The following STAG3 variants were observed in gnomAD, a reference collection of about 807,000 sequenced individuals.
STAG3 encodes cohesin subunit SA-3.
STAG3 carries 101 observed loss-of-function variants against 160.7 expected under a neutral mutation model. That is an observed-to-expected ratio of 0.63 (90% CI 0.54 to 0.74). The LOEUF (loss-of-function observed/expected upper bound fraction) is 0.74, where lower values mean the gene tolerates loss of function less well. Ranked by LOEUF, STAG3 falls within the 30% of genes least tolerant of loss-of-function variation. The probability of loss-of-function intolerance (pLI) is 0.00; values close to 1 mark genes in which losing one functional copy is unlikely to be tolerated. For missense variants in STAG3, 1,188 were observed against 1,517.4 expected (o/e 0.78, Z 3.61); for synonymous variants, 519 against 585.0 (o/e 0.89, Z 1.63).
chr7:100,202,147 A>C (rs1195770749), intron 23 of STAG3, 25 bp from the exon 24 acceptor site: 1 of 1,609,386 alleles, frequency 6.2e-7, no homozygotes, highest in Non-Finnish European at 8.5e-7. Context: ...TGTCCTTTTA[A>C]ACATCCTTTC....
At chr7:100,201,617 T>A in intron 21 of STAG3, 169 bp from the exon 22 acceptor site, 1 of 659,304 alleles carries the variant, frequency 1.5e-6, no homozygotes, top group Non-Finnish European at 2.6e-6. Flanking sequence ...ACATTTCTAC[T>A]TCGTGTAGAT....
intron 30 of STAG3, 43 bp from the exon 31 acceptor site, chr7:100,211,392 A>G (rs1327699227): frequency 6.3e-7 from 1 of 1,599,006 alleles, no homozygotes; most frequent in Non-Finnish European, 8.6e-7. Context: ...TCCTCTTCTT[A>G]CCCTTGATTT....
At chr7:100,194,043 G>A (rs1222640548) in intron 8 of STAG3, among the ~76,000 whole-genome samples, 1 of 151,410 alleles carries the variant, frequency 6.6e-6, no homozygotes, top group African/African-American at 2.4e-5. Context: ...CATCTCCTGG[G>A]TTCAAGTGAT....
intron 5 of STAG3, 123 bp downstream of exon 5, chr7:100,186,419 A>G: frequency 1.0e-6 from 1 of 991,884 alleles, no homozygotes; most frequent in Non-Finnish European, 1.5e-6. Flanking sequence ...AAAGCATTAG[A>G]AAAATTTTAC....
intron 2 of STAG3, among the ~76,000 whole-genome samples, chr7:100,181,818 T>C (rs1263142195): frequency 6.6e-6 from 1 of 150,924 alleles, no homozygotes; most frequent in Non-Finnish European, 1.5e-5. Context: ...GGAGAATCGC[T>C]TGAACCTGGG....
At chr7:100,196,159 G>A (rs1335192560) in intron 9 of STAG3, among the ~76,000 whole-genome samples, 1 of 151,894 alleles carries the variant, frequency 6.6e-6, no homozygotes, top group Non-Finnish European at 1.5e-5. Context: ...AAAAAAAATT[G>A]TAGATGTTTC....
chr7:100,186,495 G>A (rs1008588040), intron 5 of STAG3, among the ~76,000 whole-genome samples, 199 bp downstream of exon 5: 15 of 152,174 alleles, frequency 9.9e-5, no homozygotes, highest in African/African-American at 3.4e-4. Flanking sequence ...GAGGCAGGTG[G>A]ATCACTTGAG....
intron 1 of STAG3, 146 bp from the exon 2 acceptor site, chr7:100,180,347 A>C (rs1430466078): frequency 1.6e-5 from 8 of 489,662 alleles, no homozygotes; most frequent in Non-Finnish European, 3.0e-5. Flanking sequence ...GGCATGAGCC[A>C]CGGTGCCCAG....
chr7:100,211,995 CTAGAG>C, intron 32 of STAG3, 119 bp downstream of exon 32: 1 of 885,466 alleles, frequency 1.1e-6, no homozygotes. Flanking sequence ...CTGAATGAAT[CTAGAG>C]TAAAGGAGGA....
intron 1 of STAG3, among the ~76,000 whole-genome samples, chr7:100,179,260 T>G (rs1425568884): frequency 1.3e-5 from 2 of 150,544 alleles, no homozygotes; most frequent in African/African-American, 4.9e-5. Context: ...TTGCTTGGGT[T>G]TTGTTTTTTT....
Position 100,204,006 on chromosome 7 carries a change from A to C in STAG3, c.2701-15A>C. 6.3e-7 allele frequency: 1 copy of C among 1,579,034 alleles called. No homozygotes were observed. The highest frequency in any genetic ancestry group is 1.1e-5 in the South Asian group (1 of 90,268). On this transcript the variant is annotated splice_polypyrimidine_tract_variant and intron_variant, in intron 25 of 33. Transcript: ENST00000615138. The stretch of plus-strand genomic sequence containing the variant: ...CCACCAGTCAGACATTACCTTCCCC[A>C]CTCTTTCCCCTCAGTTCTACAATGA...
Position 100,201,269 on chromosome 7 carries a change from A to G in STAG3, c.2138A>G (p.His713Arg). The G allele has an allele frequency of 6.2e-7, 1 of 1,614,044 alleles. No individual in the cohort carries two copies. The highest frequency in any genetic ancestry group is 1.3e-5 in the African/African-American group (1 of 74,972). ...LKRLSAFYNT[H>R]DLTRWELYEP... is the part of the protein sequence containing the mutation. ...TTCCCCTTTCTCCCCCAAAGCACTC[A>G]TGACCTGACTCGCTGGGAGCTCTAT... The change falls in exon 21 of 34, where the codon CAT becomes CGT. Residue 713 changes from histidine (H) to arginine (R), a missense_variant. Physicochemically the swap from His to Arg is conservative, Grantham distance 29. This residue lies in a region of STAG3 where 647 missense variants were observed against 717.2 expected (regional missense o/e 0.90). Coordinates refer to ENST00000615138, the MANE Select transcript of STAG3 (RefSeq NM_001282717.2).
intron 31 of STAG3, 32 bp from the exon 32 acceptor site, chr7:100,211,763 T>C (rs370066568): frequency 9.9e-6 from 16 of 1,610,650 alleles, no homozygotes; most frequent in Non-Finnish European, 1.4e-5. Flanking sequence ...AAAGAACAGT[T>C]TGAAAAGCCA....
At position 100,183,556 on chromosome 7, in the gene STAG3, G is replaced by A. The variant is rs561585722; in HGVS notation, c.336+717G>A. ...ACCCGAAAGTGTACAAAGCTTATAT[G>A]TAGTTTAAAAAATAAAAATGAAATG... On this transcript the variant is annotated intron_variant, in intron 4 of 33. Transcript: ENST00000615138. Among the ~76,000 whole-genome samples, 8 of 152,244 alleles carry A rather than the reference G, an allele frequency of 5.3e-5. No homozygotes were observed. The East Asian group carries it at 5.8e-4, about 11-fold the overall frequency.
chr7:100,217,865 C>CG (rs1441290020), downstream of STAG3, among the ~76,000 whole-genome samples: 18 of 151,806 alleles, frequency 1.2e-4, no homozygotes. Flanking sequence ...GTGTACAGAG[C>CG]GGAACATGAA....
At chr7:100,186,059 T>C in intron 4 of STAG3, 141 bp from the exon 5 acceptor site, 1 of 740,540 alleles carries the variant, frequency 1.4e-6, no homozygotes, top group East Asian at 2.5e-5. Flanking sequence ...ATTTTACCTT[T>C]CATTCTAGTT....
rs764124183 is a variant in STAG3, at chr7:100,202,352, C to G, written c.2563+12C>G. On this transcript the variant is annotated intron_variant, in intron 24 of 33. Coordinates refer to ENST00000615138, the MANE Select transcript of STAG3 (RefSeq NM_001282717.2). ...AGACCTGGGCAGTGGTGCAGTGACTCTATACCTGGGGCTCAGTAAGGGCTG... is the reference window on the plus strand; with the variant it reads ...AGACCTGGGCAGTGGTGCAGTGACTGTATACCTGGGGCTCAGTAAGGGCTG... 8 of 1,613,150 alleles carry G rather than the reference C, an allele frequency of 5.0e-6. No individual in the cohort carries two copies. Among genetic ancestry groups the G allele is most frequent in the Non-Finnish European group, 1.7e-6 (2 of 1,179,508 alleles).
At position 100,197,803 on chromosome 7, in the gene STAG3, T is replaced by A; in HGVS notation, c.1091T>A (p.Val364Glu). 1.2e-6 allele frequency: 2 copies of A among 1,613,480 alleles called. No homozygotes were observed. Among genetic ancestry groups the A allele is most frequent in the Non-Finnish European group, 1.7e-6 (2 of 1,179,840 alleles). Residue 364 changes from valine (V) to glutamate (E), a missense_variant, in exon 11 of 34, where the codon GTG (valine) becomes GAG (glutamate). Val to Glu is a moderately radical substitution (Grantham distance 121). Coordinates refer to ENST00000615138, the MANE Select transcript of STAG3 (RefSeq NM_001282717.2). ...DKHREVRLKCVKALKGLYGNR... is the reference protein window; with the variant it reads ...DKHREVRLKCEKALKGLYGNR... ...CACCGAGAAGTCCGCCTGAAGTGTG[T>A]GAAGGCCCTGAAAGGGCTGTACGGT... is the stretch of plus-strand genomic sequence containing the variant.
Position 100,180,678 on chromosome 7 carries a change from T to C in STAG3, c.116+6T>C. On this transcript the variant is annotated splice_donor_region_variant and intron_variant, in intron 2 of 33. Transcript: ENST00000615138. ...TCAAACCATACCTCAGAGGGGTAAG[T>C]AGATGTTGCATTGTGTGGCCACTTC... The C allele has an allele frequency of 1.3e-6, 2 of 1,547,944 alleles. No homozygotes were observed. The highest frequency in any genetic ancestry group is 2.2e-5 in the South Asian group (2 of 89,834).
Sources: allele counts gnomAD v4.1 joint callset (sites outside exome capture counted in the v4.1 genomes callset), GRCh38; gene constraint gnomAD v4.1.1; regional missense constraint gnomAD v4.1.1; transcripts MANE v1.5; gene names NCBI Gene and HGNC (gene_info 2026-07-23, HGNC 2026-07-21).